KHDRBS2: variants seen among roughly 807,000 people sequenced by gnomAD.
KHDRBS2 encodes KH domain-containing, RNA-binding, signal transduction-associated protein 2.
A neutral mutation model predicts 44.3 loss-of-function variants in KHDRBS2; 26 were observed. That is an observed-to-expected ratio of 0.59 (90% CI 0.43 to 0.81). The LOEUF is 0.81. Among genes scored for constraint, KHDRBS2 ranks in the 40% least tolerant of loss-of-function variants. KHDRBS2 has a pLI of 0.00. For synonymous variants in KHDRBS2, 194 were observed against 151.1 expected, an observed-to-expected ratio of 1.28 and a Z score of -2.08; for missense variants, 476 against 433.1, an observed-to-expected ratio of 1.10 and a Z score of -0.88.
intron 1 of KHDRBS2, among the ~76,000 whole-genome samples, chr6:62,202,102 G>C (rs517310): frequency 0.17 from 25,956 of 151,828 alleles, 2,441 homozygotes; most frequent in African/African-American, 0.26. Context: ...ATTGGGTATA[G>C]GACTTGTATT....
chr6:62,247,960 C>T (rs188631063), intron 1 of KHDRBS2, among the ~76,000 whole-genome samples: 54 of 152,098 alleles, frequency 3.6e-4, no homozygotes, highest in Non-Finnish European at 6.0e-4. Flanking sequence ...CTTTATATTT[C>T]CTTAAATGGA....
At chr6:62,090,916 C>T (rs1346692084) in intron 2 of KHDRBS2, among the ~76,000 whole-genome samples, 1 of 152,162 alleles carries the variant, frequency 6.6e-6, no homozygotes, top group East Asian at 1.9e-4. Context: ...CAACAAGCAG[C>T]TTAAGTACCA....
intron 1 of KHDRBS2, among the ~76,000 whole-genome samples, chr6:62,202,625 T>C (rs1478473960): frequency 1.3e-5 from 2 of 152,136 alleles, no homozygotes; most frequent in Non-Finnish European, 2.9e-5. Flanking sequence ...ACCCAAGATA[T>C]GTTATGGAAA....
intron 3 of KHDRBS2, among the ~76,000 whole-genome samples, chr6:61,991,390 G>C (rs781214375): frequency 6.6e-6 from 1 of 152,158 alleles, no homozygotes; most frequent in Non-Finnish European, 1.5e-5. Context: ...TCTATTTCAA[G>C]AAGAGGAATC....
intron 6 of KHDRBS2, among the ~76,000 whole-genome samples, chr6:61,819,365 G>A (rs1457639656): frequency 1.3e-5 from 2 of 151,812 alleles, no homozygotes; most frequent in African/African-American, 4.8e-5. Context: ...GTAACTTAAG[G>A]AAATAAAACA....
chr6:61,629,567 T>G, the KHDRBS2 span, among the ~76,000 whole-genome samples: 16 of 152,144 alleles, frequency 1.1e-4, no homozygotes. Context: ...AAAACACAAC[T>G]TTTTAAAGAA....
chr6:62,033,467 TAAAAG>T (rs1784711838), intron 3 of KHDRBS2, among the ~76,000 whole-genome samples: 1 of 151,732 alleles, frequency 6.6e-6, no homozygotes, highest in Admixed American at 6.6e-5. Context: ...AGCAGCAAGA[TAAAAG>T]AAACAAATAA....
chr6:61,679,296 T>C (rs1766113948), downstream of KHDRBS2, among the ~76,000 whole-genome samples: 1 of 151,976 alleles, frequency 6.6e-6, no homozygotes, highest in Non-Finnish European at 1.5e-5. Context: ...TTGTTAATTT[T>C]AGTTCTGTTT....
At chr6:61,759,205 G>A (rs1254783633) in intron 6 of KHDRBS2, among the ~76,000 whole-genome samples, 2 of 152,114 alleles carry the variant, frequency 1.3e-5, no homozygotes, top group Non-Finnish European at 1.5e-5. Context: ...ACATCTGCTT[G>A]TATATACAGG....
chr6:61,943,767 T>C (rs1408019794), intron 4 of KHDRBS2, among the ~76,000 whole-genome samples: 1 of 152,156 alleles, frequency 6.6e-6, no homozygotes, highest in Admixed American at 6.6e-5. Context: ...AAGGGACTAA[T>C]ATCCAAACTA....
At chr6:61,954,466 C>T (rs1442605800) in intron 4 of KHDRBS2, among the ~76,000 whole-genome samples, 10 of 140,146 alleles carry the variant, frequency 7.1e-5, no homozygotes, top group East Asian at 2.2e-4. Context: ...TGTATGTATA[C>T]GTATGTGTAT....
intron 7 of KHDRBS2, among the ~76,000 whole-genome samples, chr6:61,728,266 A>G (rs1012902668): frequency 6.6e-6 from 1 of 152,026 alleles, no homozygotes; most frequent in African/African-American, 2.4e-5. Flanking sequence ...CAGGGGGAGC[A>G]AGACACACTG....
intron 2 of KHDRBS2, among the ~76,000 whole-genome samples, chr6:62,163,551 T>C (rs2150113652): frequency 6.6e-6 from 1 of 152,190 alleles, no homozygotes; most frequent in Non-Finnish European, 1.5e-5. Context: ...AGTTTATTTC[T>C]GCCTCACTTA....
At chr6:62,136,757 A>T (rs1433214538) in intron 2 of KHDRBS2, among the ~76,000 whole-genome samples, 6 of 152,110 alleles carry the variant, frequency 3.9e-5, no homozygotes, top group Admixed American at 3.3e-4. Context: ...TGCCTGGCAA[A>T]CACTTATCAA....
At chr6:62,274,599 T>C (rs1173668999) in intron 1 of KHDRBS2, among the ~76,000 whole-genome samples, 1 of 152,172 alleles carries the variant, frequency 6.6e-6, no homozygotes, top group Non-Finnish European at 1.5e-5. Flanking sequence ...CATCCATGTA[T>C]AATTCTCTCC....
chr6:61,719,594 C>A (rs1160023173), intron 7 of KHDRBS2, among the ~76,000 whole-genome samples: 1 of 152,060 alleles, frequency 6.6e-6, no homozygotes, highest in Non-Finnish European at 1.5e-5. Context: ...AACTGTAATA[C>A]TAGCCCTGCA....
chr6:61,925,941 G>A (rs1194148259), intron 4 of KHDRBS2, among the ~76,000 whole-genome samples: 2 of 152,008 alleles, frequency 1.3e-5, no homozygotes, highest in African/African-American at 4.8e-5. Flanking sequence ...AATCTCCAGT[G>A]TCCATATGTC....
chr6:62,062,394 C>A (rs566616629), intron 2 of KHDRBS2, among the ~76,000 whole-genome samples: 74 of 145,502 alleles, frequency 5.1e-4, no homozygotes, highest in African/African-American at 1.7e-3. Context: ...CTCTCCTCAG[C>A]AAATGTAAAA....
the KHDRBS2 span, among the ~76,000 whole-genome samples, chr6:61,560,776 G>A: frequency 6.6e-6 from 1 of 152,186 alleles, no homozygotes; most frequent in East Asian, 1.9e-4. Flanking sequence ...TTCTCTTTCT[G>A]AAAGGTCACT....
Sources: gnomAD v4.1 joint callset for allele counts (sites outside exome capture counted in the v4.1 genomes callset) on GRCh38, gnomAD v4.1.1 for gene constraint, MANE v1.5 for transcripts, NCBI Gene and HGNC (gene_info 2026-07-23, HGNC 2026-07-21) for gene names.